Variants in ROBO1 observed in about 807,000 individuals in gnomAD.
ROBO1 encodes the protein roundabout guidance receptor 1, also known as roundabout homolog 1.
ROBO1 carries 149 observed loss-of-function variants against 195.9 expected under a neutral mutation model. That is an observed-to-expected ratio of 0.76 (90% CI 0.67 to 0.87). ROBO1 has a LOEUF of 0.87. ROBO1 is among the 40% of genes least tolerant of loss of function. The pLI, the probability that ROBO1 is intolerant of heterozygous loss-of-function variation, is 0.00. For synonymous variants in ROBO1, 816 were observed against 733.2 expected (o/e 1.11, Z -1.82); for missense variants, 1,933 against 2,068.3 (o/e 0.93, Z 1.27).
At chr3:79,708,967 A>C (rs1285111344) in intron 1 of ROBO1, among the ~76,000 whole-genome samples, 1 of 152,172 alleles carries the variant, frequency 6.6e-6, no homozygotes, top group East Asian at 1.9e-4. Context: ...AGTGATTATC[A>C]GAGTCAAAAA....
chr3:78,753,444 G>A (rs1451037057), intron 4 of ROBO1, among the ~76,000 whole-genome samples: 1 of 152,134 alleles, frequency 6.6e-6, no homozygotes, highest in African/African-American at 2.4e-5. Context: ...CAAAGAGAAG[G>A]TAAGTTTGGC....
At chr3:79,426,449 C>T (rs1242442345) in intron 2 of ROBO1, among the ~76,000 whole-genome samples, 1 of 152,106 alleles carries the variant, frequency 6.6e-6, no homozygotes, top group Non-Finnish European at 1.5e-5. Context: ...CAGCTCACTG[C>T]AATGTCCGCC....
intron 3 of ROBO1, chr3:79,019,428 T>C (rs1238840472): frequency 3.0e-6 from 3 of 986,126 alleles, no homozygotes; most frequent in Non-Finnish European, 3.6e-6. Context: ...CTGAAGTTTC[T>C]GCTCTCACGC....
At chr3:79,010,301 T>C (rs2077743421) in intron 3 of ROBO1, among the ~76,000 whole-genome samples, 2 of 152,114 alleles carry the variant, frequency 1.3e-5, no homozygotes, top group African/African-American at 4.8e-5. Flanking sequence ...TACTTTTATG[T>C]CCTCACTCTA....
At chr3:79,115,472 G>A (rs975715610) in intron 3 of ROBO1, among the ~76,000 whole-genome samples, 6 of 152,046 alleles carry the variant, frequency 3.9e-5, no homozygotes, top group Admixed American at 1.3e-4. Flanking sequence ...GTCCCTCAGC[G>A]TCTTCCTCCA....
chr3:78,855,377 T>C (rs1017697650), intron 4 of ROBO1, among the ~76,000 whole-genome samples: 4 of 152,068 alleles, frequency 2.6e-5, no homozygotes, highest in Non-Finnish European at 5.9e-5. Context: ...GCTCTTGGAG[T>C]GCTAACAAAC....
At chr3:78,801,004 C>A (rs1334226540) in intron 4 of ROBO1, among the ~76,000 whole-genome samples, 1 of 152,092 alleles carries the variant, frequency 6.6e-6, no homozygotes, top group African/African-American at 2.4e-5. Context: ...AATTCCACAC[C>A]ACTTCAGGTG....
At chr3:79,437,546 T>C (rs2038927656) in intron 2 of ROBO1, among the ~76,000 whole-genome samples, 1 of 151,900 alleles carries the variant, frequency 6.6e-6, no homozygotes, top group South Asian at 2.1e-4. Context: ...CAAATGATAA[T>C]CAACAATAAA....
At chr3:79,137,356 G>T (rs2080430786) in intron 2 of ROBO1, among the ~76,000 whole-genome samples, 1 of 151,668 alleles carries the variant, frequency 6.6e-6, no homozygotes, top group South Asian at 2.1e-4. Context: ...TTTAACCTGT[G>T]GCCTGAGATG....
intron 3 of ROBO1, among the ~76,000 whole-genome samples, chr3:78,944,321 T>G (rs1429214671): frequency 1.3e-5 from 2 of 152,262 alleles, no homozygotes; most frequent in Admixed American, 6.5e-5. Flanking sequence ...CTTTGATTGC[T>G]TACTTTTAAA....
intron 1 of ROBO1, among the ~76,000 whole-genome samples, chr3:79,645,459 G>A (rs189101046): frequency 6.6e-6 from 1 of 152,108 alleles, no homozygotes; most frequent in East Asian, 1.9e-4. Context: ...CTATGATCTT[G>A]CCACTGCACT....
At chr3:79,718,112 C>A (rs765331320) in intron 1 of ROBO1, among the ~76,000 whole-genome samples, 16 of 151,988 alleles carry the variant, frequency 1.1e-4, no homozygotes, top group Admixed American at 3.9e-4. Flanking sequence ...TAACAACAAA[C>A]TTGAGCTGCT....
chr3:78,627,255 T>A (rs7625555), intron 26 of ROBO1, 66 bp downstream of exon 26: 1 of 1,526,660 alleles, frequency 6.6e-7, no homozygotes. Context: ...GGATAGCATT[T>A]GGTAACTTCC....
intron 26 of ROBO1, among the ~76,000 whole-genome samples, chr3:78,619,886 T>C (rs1181980084): frequency 6.7e-6 from 1 of 149,948 alleles, no homozygotes; most frequent in Non-Finnish European, 1.5e-5. Flanking sequence ...GGTGTGGTGG[T>C]GCATGCCTGT....
rs1407403601 is a variant in ROBO1, at chr3:78,717,850, G to A, written c.691C>T (p.Arg231Cys). ...ACATATTTGCCAGCGTCACTTTTAC[G>A]GGTGTAAGTGATCATGAGCTTTCCT... ...RGGKLMITYT[R>C]KSDAGKYVCV... The change falls in exon 6 of 31, where the codon CGT (arginine) becomes TGT (cysteine). Residue 231 changes from arginine (R) to cysteine (C), a missense_variant. Around this residue, in one of 3 missense-constraint regions of ROBO1, gnomAD observed 1,737 missense variants for 1,882.5 expected, o/e 0.92. Transcript: ENST00000464233. 10 of 1,613,318 alleles carry A rather than the reference G, an allele frequency of 6.2e-6. No individual in the cohort carries two copies. The highest frequency in any genetic ancestry group is 2.7e-5 in the African/African-American group (2 of 74,846).
intron 14 of ROBO1, among the ~76,000 whole-genome samples, chr3:78,663,170 G>A (rs888236356): frequency 5.3e-5 from 8 of 151,348 alleles, no homozygotes; most frequent in African/African-American, 1.9e-4. Context: ...GAAAGCAAAA[G>A]CAGGAATACT....
intron 2 of ROBO1, among the ~76,000 whole-genome samples, chr3:79,373,991 A>AT (rs1479561083): frequency 2.0e-5 from 3 of 152,148 alleles, no homozygotes; most frequent in Admixed American, 1.3e-4. Flanking sequence ...TAGGACCATA[A>AT]TTGTTATTTT....
intron 1 of ROBO1, among the ~76,000 whole-genome samples, chr3:79,608,966 G>A (rs569426327): frequency 3.5e-4 from 53 of 152,032 alleles, no homozygotes; most frequent in African/African-American, 1.2e-3. Flanking sequence ...ATGTCTTACA[G>A]TGTTACCTAG....
At chr3:78,891,076 G>A (rs1035991693) in intron 4 of ROBO1, among the ~76,000 whole-genome samples, 2 of 152,132 alleles carry the variant, frequency 1.3e-5, no homozygotes, top group African/African-American at 4.8e-5. Context: ...AATGTTAGGA[G>A]AAAACAAGGC....
Sources: allele counts gnomAD v4.1 joint callset (sites outside exome capture counted in the v4.1 genomes callset), GRCh38; gene constraint gnomAD v4.1.1; regional missense constraint gnomAD v4.1.1; transcripts MANE v1.5; gene names NCBI Gene and HGNC (gene_info 2026-07-23, HGNC 2026-07-21).